GSK3B: variants seen among roughly 807,000 people sequenced by gnomAD.
GSK3B encodes the protein glycogen synthase kinase 3 beta.
In GSK3B, 15 loss-of-function variants were observed where a neutral mutation model predicts 56.4. The observed-to-expected ratio is 0.27, with a 90% CI of 0.18 to 0.41. GSK3B has a LOEUF of 0.41. GSK3B is among the 10% of genes least tolerant of loss of function. The pLI is 1.00. For missense variants in GSK3B, 300 were observed against 513.4 expected (o/e 0.58, Z 4.02); for synonymous variants, 181 against 188.9 (o/e 0.96, Z 0.34).
intron 2 of GSK3B, among the ~76,000 whole-genome samples, chr3:119,954,242 T>TAGAAC (rs2107499065): frequency 1.1e-5 from 1 of 94,340 alleles, no homozygotes; most frequent in African/African-American, 3.8e-5. Flanking sequence ...TAGAATAGAA[T>TAGAAC]AGAATAGAAT....
intron 3 of GSK3B, among the ~76,000 whole-genome samples, chr3:119,943,890 G>A (rs976939525): frequency 6.6e-6 from 1 of 150,928 alleles, no homozygotes; most frequent in African/African-American, 2.4e-5. Flanking sequence ...AGAGAGGGGG[G>A]ACAAAAGCCC....
chr3:119,862,715 G>A (rs2056124265), intron 9 of GSK3B, among the ~76,000 whole-genome samples: 1 of 129,946 alleles, frequency 7.7e-6, no homozygotes, highest in Non-Finnish European at 1.6e-5. Context: ...TTTATGCTCA[G>A]TGTAATAAGA....
At chr3:119,974,768 C>T (rs1414212244) in intron 2 of GSK3B, among the ~76,000 whole-genome samples, 1 of 152,154 alleles carries the variant, frequency 6.6e-6, no homozygotes, top group African/African-American at 2.4e-5. Context: ...AATTAATACA[C>T]TGGCATACTA....
intron 9 of GSK3B, among the ~76,000 whole-genome samples, chr3:119,849,231 T>A (rs1451193408): frequency 6.6e-6 from 1 of 152,136 alleles, no homozygotes; most frequent in African/African-American, 2.4e-5. Context: ...CCCACCCACA[T>A]ATCCATCCAA....
At chr3:119,900,571 C>A (rs1442150490) in intron 7 of GSK3B, among the ~76,000 whole-genome samples, 3 of 152,006 alleles carry the variant, frequency 2.0e-5, no homozygotes, top group Non-Finnish European at 4.4e-5. Flanking sequence ...TTTCCCAGGT[C>A]CAAAACTTCC....
At chr3:119,942,941 T>A (rs2057064327) in intron 3 of GSK3B, among the ~76,000 whole-genome samples, 2 of 152,214 alleles carry the variant, frequency 1.3e-5, no homozygotes, top group African/African-American at 4.8e-5. Flanking sequence ...ACATAGAGTA[T>A]ACGAATTGAC....
At chr3:119,946,085 G>GAA (rs758014999) in intron 3 of GSK3B, among the ~76,000 whole-genome samples, 9 of 122,738 alleles carry the variant, frequency 7.3e-5, no homozygotes, top group African/African-American at 2.0e-4. Context: ...CATTTAAACT[G>GAA]AAAAAAAAAA....
chr3:119,928,797 G>C (rs2056914850), intron 3 of GSK3B, among the ~76,000 whole-genome samples: 1 of 151,946 alleles, frequency 6.6e-6, no homozygotes, highest in Non-Finnish European at 1.5e-5. Context: ...ATGTAACTAT[G>C]AGCAAGTTAT....
At chr3:120,045,450 C>T (rs963813960) in intron 1 of GSK3B, among the ~76,000 whole-genome samples, 14 of 152,190 alleles carry the variant, frequency 9.2e-5, no homozygotes, top group East Asian at 1.9e-4. Context: ...GTCCACCCTT[C>T]GAAACCACAC....
chr3:119,897,328 T>C lies in GSK3B; in HGVS notation c.813+8427A>G, dbSNP rs571164731. Among the ~76,000 whole-genome samples the C allele has an allele frequency of 1.2e-3, 186 of 152,278 alleles. 1 individual carries two copies. Among genetic ancestry groups the C allele is most frequent in the Non-Finnish European group, 2.2e-3 (149 of 68,010 alleles). ...TAAAATTAATGTTTCTTTTGGTCTA[T>C]GGAAAACATTATACTAATGTTGAGC... On this transcript the variant is annotated intron_variant, in intron 7 of 10. Transcript: ENST00000264235.
intron 1 of GSK3B, among the ~76,000 whole-genome samples, chr3:120,062,471 C>T (rs1346520886): frequency 6.6e-6 from 1 of 152,100 alleles, no homozygotes; most frequent in Non-Finnish European, 1.5e-5. Context: ...CTTAAAATTG[C>T]CTAATTATGT....
In GSK3B at chr3:119,916,191, A is replaced by C. The variant is rs1307513519; in HGVS notation, c.478-17T>G. 1 of 1,567,714 alleles carries C rather than the reference A, an allele frequency of 6.4e-7. No homozygotes were observed. The highest frequency in any genetic ancestry group is 1.7e-5 in the Admixed American group (1 of 59,604). ...CATATACAACTGGAATAGATAGTAGAAATTAATTAAATACTTCCTATTCTA... is the reference window on the plus strand; with the variant it reads ...CATATACAACTGGAATAGATAGTAGCAATTAATTAAATACTTCCTATTCTA... On this transcript the variant is annotated splice_polypyrimidine_tract_variant and intron_variant, in intron 4 of 10. Coordinates refer to ENST00000264235, the MANE Select transcript of GSK3B (RefSeq NM_001146156.2).
intron 2 of GSK3B, among the ~76,000 whole-genome samples, chr3:119,954,307 A>AGAATAGAATAGAATAGAATAGAATAGAAT (rs1559851422): frequency 3.3e-5 from 4 of 121,668 alleles, no homozygotes; most frequent in African/African-American, 1.3e-4. Flanking sequence ...TAGAATAGAA[A>AGAATAGAATAGAATAGAATAGAATAGAAT]AGAAACAGAA....
intron 9 of GSK3B, among the ~76,000 whole-genome samples, chr3:119,860,070 T>C (rs566954777): frequency 2.0e-5 from 3 of 152,336 alleles, no homozygotes; most frequent in South Asian, 4.1e-4. Flanking sequence ...ATAACTTCAA[T>C]TGGTAAAATT....
At chr3:119,828,733 T>A (rs2055555212) in intron 10 of GSK3B, among the ~76,000 whole-genome samples, 1 of 152,252 alleles carries the variant, frequency 6.6e-6, no homozygotes, top group African/African-American at 2.4e-5. Flanking sequence ...AGCCAATCTA[T>A]AAAAATTATA....
chr3:120,062,213 T>C (rs2058243303), intron 1 of GSK3B, among the ~76,000 whole-genome samples: 1 of 152,250 alleles, frequency 6.6e-6, no homozygotes, highest in Non-Finnish European at 1.5e-5. Flanking sequence ...TTCCTCTTCA[T>C]GTGAATTCAT....
At chr3:119,910,853 C>T (rs982513222) in intron 6 of GSK3B, among the ~76,000 whole-genome samples, 1 of 152,182 alleles carries the variant, frequency 6.6e-6, no homozygotes, top group Non-Finnish European at 1.5e-5. Context: ...GTAGATTCCA[C>T]CTCAAGAAAC....
chr3:119,991,220 G>T (rs1040403238), intron 2 of GSK3B, among the ~76,000 whole-genome samples: 1 of 152,092 alleles, frequency 6.6e-6, no homozygotes, highest in African/African-American at 2.4e-5. Context: ...AACAGTACAG[G>T]TCTCCTACAT....
At chr3:120,087,290 T>C (rs368142398) in intron 1 of GSK3B, among the ~76,000 whole-genome samples, 21 of 152,318 alleles carry the variant, frequency 1.4e-4, no homozygotes, top group African/African-American at 5.1e-4. Flanking sequence ...CCCAGCACTT[T>C]GGGAGGCCGA....
Sources: gnomAD v4.1 joint callset for allele counts (sites outside exome capture counted in the v4.1 genomes callset) on GRCh38, gnomAD v4.1.1 for gene constraint, MANE v1.5 for transcripts, NCBI Gene and HGNC (gene_info 2026-07-23, HGNC 2026-07-21) for gene names.